Variants in PEX3 observed in about 807,000 individuals in gnomAD.
The protein encoded by PEX3 is peroxisomal biogenesis factor 3.
Under a neutral mutation model 55.8 loss-of-function variants are expected in PEX3, and 30 were observed. The ratio of observed to expected loss-of-function variants is 0.54; its 90% CI spans 0.40 to 0.73. PEX3 has a LOEUF of 0.73. Among genes scored for constraint, PEX3 ranks in the 30% least tolerant of loss-of-function variants. PEX3 has a pLI of 0.00. For missense variants in PEX3, 351 were observed against 432.8 expected (o/e 0.81, Z 1.68); for synonymous variants, 135 against 148.4 (o/e 0.91, Z 0.66).
intron 9 of PEX3, among the ~76,000 whole-genome samples, chr6:143,478,823 A>AT (rs1780188686): frequency 6.6e-6 from 1 of 152,132 alleles, no homozygotes. Flanking sequence ...TAGTACTGAT[A>AT]TTTTTTAAAA....
At position 143,463,420 on chromosome 6, in the gene PEX3, T is replaced by C. The variant is rs1779950799; in HGVS notation, c.287+423T>C. Among the ~76,000 whole-genome samples, 1 of 152,206 alleles carries C rather than the reference T, an allele frequency of 6.6e-6. No homozygotes were observed. The highest frequency in any genetic ancestry group is 1.5e-5 in the Non-Finnish European group (1 of 68,028). ...ATAAATAAGATATACAGGACTTATA[T>C]CTTAAATTACTAACAAAATGAAATA... On this transcript the variant is annotated intron_variant, in intron 3 of 11. Coordinates refer to ENST00000367591, the MANE Select transcript of PEX3 (RefSeq NM_003630.3). This position sits in a 1 kb window ranked among gnomAD's most constrained non-coding sequence, Gnocchi z 5.7.
chr6:143,463,033 T>C lies in PEX3; in HGVS notation c.287+36T>C. ...GTTACAGCATTTTCTGTTTAAGCAC[T>C]ACACTTAAAGTTTATAGAATGAACT... On this transcript the variant is annotated intron_variant, in intron 3 of 11. Transcript: ENST00000367591. This position sits in a 1 kb window ranked among gnomAD's most constrained non-coding sequence, Gnocchi z 5.7. 1 of 1,424,604 alleles carries C rather than the reference T, an allele frequency of 7.0e-7. No individual in the cohort carries two copies. Among genetic ancestry groups the C allele is most frequent in the Non-Finnish European group, 9.9e-7 (1 of 1,007,224 alleles). 88.2% of individuals were successfully genotyped at this position (1,424,604 alleles called of 1,614,324 possible).
Position 143,450,872 on chromosome 6 carries a change from C to A in PEX3, c.-171C>A. 1 of 785,108 alleles carries A rather than the reference C, an allele frequency of 1.3e-6. No individual in the cohort carries two copies. Among genetic ancestry groups the A allele is most frequent in the Non-Finnish European group, 2.3e-6 (1 of 444,142 alleles). 48.6% of individuals were successfully genotyped at this position (785,108 alleles called of 1,614,324 possible). ...AGCTGCTTTGCTGTAGTCCACGCCC[C>A]CTTGCCGCTCCGGTGACAGTCTCTG... On this transcript the variant is annotated 5_prime_UTR_variant, in exon 1 of 12. Coordinates refer to ENST00000367591, the MANE Select transcript of PEX3 (RefSeq NM_003630.3).
In PEX3 at chr6:143,464,471, A is replaced by G. The variant is rs1290167907; in HGVS notation, c.287+1474A>G. ...TATTTAGTGCAATGACAAAAAGTAA[A>G]AGGAAAATTTAGGAGTATCAAAAAA... is the stretch of plus-strand genomic sequence containing the variant. On this transcript the variant is annotated intron_variant, in intron 3 of 11. Coordinates refer to ENST00000367591, the MANE Select transcript of PEX3 (RefSeq NM_003630.3). The surrounding 1 kb of genome is among the most constrained non-coding windows in gnomAD (Gnocchi z 5.8). Among the ~76,000 whole-genome samples, 2 of 152,060 alleles carry G rather than the reference A, an allele frequency of 1.3e-5. No individual in the cohort carries two copies. The highest frequency in any genetic ancestry group is 2.1e-4 in the South Asian group (1 of 4,834).
chr6:143,485,592 C>G lies in PEX3; in HGVS notation c.1038+344C>G, dbSNP rs545040445. Among the ~76,000 whole-genome samples, 7 of 152,106 alleles carry G rather than the reference C, an allele frequency of 4.6e-5. No individual in the cohort carries two copies. The highest frequency in any genetic ancestry group is 1.4e-4 in the African/African-American group (6 of 41,508). On this transcript the variant is annotated intron_variant, in intron 11 of 11. Transcript: ENST00000367591. The surrounding 1 kb of genome is among the most constrained non-coding windows in gnomAD (Gnocchi z 5.6). ...CTTGGGGCAGATCAAGGATCCTGTT[C>G]TACACATTTTGAGGAAAACTAAAAA...
chr6:143,474,869 C>T lies in PEX3; in HGVS notation c.818+13C>T. On this transcript the variant is annotated intron_variant, in intron 9 of 11. Transcript: ENST00000367591. ...ACATGTTGGAAAGGTATGTATACTT[C>T]ATGTAGCAGGAAAAATATGTGTGTA... The T allele has an allele frequency of 7.1e-7, 1 of 1,418,182 alleles. No homozygotes were observed. Among genetic ancestry groups the T allele is most frequent in the Non-Finnish European group, 1.0e-6 (1 of 1,002,240 alleles). 87.8% of individuals were successfully genotyped at this position (1,418,182 alleles called of 1,614,324 possible). A position where few individuals can be genotyped will look rare whatever the true frequency, so the allele number is the denominator to read the frequency against.
At chr6:143,472,462 A>C (rs1584011273) in intron 8 of PEX3, 134 bp downstream of exon 8, 2 of 681,926 alleles carry the variant, frequency 2.9e-6, no homozygotes, top group African/African-American at 1.8e-5. Flanking sequence ...TTGAAGTAAA[A>C]CCCATTAATT....
At position 143,471,540 on chromosome 6, in the gene PEX3, T is replaced by C; in HGVS notation, c.524-17T>C. 6.2e-7 allele frequency: 1 copy of C among 1,606,080 alleles called. No individual in the cohort carries two copies. Among genetic ancestry groups the C allele is most frequent in the Non-Finnish European group, 8.5e-7 (1 of 1,173,192 alleles). On this transcript the variant is annotated splice_polypyrimidine_tract_variant and intron_variant, in intron 6 of 11. Transcript: ENST00000367591. This position sits in a 1 kb window ranked among gnomAD's most constrained non-coding sequence, Gnocchi z 5.4. ...TTAAACTAAGCAAGGCTTTTAGGTT[T>C]GTTTTTTCTTTAATAGGCCTGACAG...
rs965209812 is a variant in PEX3 at position 143,464,440 on chromosome 6, C to T, written c.287+1443C>T. On this transcript the variant is annotated intron_variant, in intron 3 of 11. Transcript: ENST00000367591. The surrounding 1 kb of genome is among the most constrained non-coding windows in gnomAD (Gnocchi z 5.8). ...TAGACTAAATAAATTATCGTAATTC[C>T]GGACATATTTAGTGCAATGACAAAA... Among the ~76,000 whole-genome samples, 3 of 151,500 alleles carry T rather than the reference C, an allele frequency of 2.0e-5. No homozygotes were observed. The highest frequency in any genetic ancestry group is 2.9e-5 in the Non-Finnish European group (2 of 67,812).
At position 143,486,458 on chromosome 6, in the gene PEX3, TAAA is replaced by T. The variant is rs1488730598; in HGVS notation, c.1038+1213_1038+1215del. 6.6e-6 allele frequency among the ~76,000 whole-genome samples: 1 copy of T among 152,066 alleles called. No individual in the cohort carries two copies. The highest frequency in any genetic ancestry group is 2.4e-5 in the African/African-American group (1 of 41,418). ...TAATTAAAATCGATATAATTGATAA[TAAA>T]AACAAATGTTTCAATATGGTAAAAA... On this transcript the variant is annotated intron_variant, in intron 11 of 11. Transcript: ENST00000367591. This position sits in a 1 kb window ranked among gnomAD's most constrained non-coding sequence, Gnocchi z 5.0.
Position 143,471,049 on chromosome 6 carries a change from T to A in PEX3, c.420T>A (p.Ile140=), listed in dbSNP as rs1410335124. Residue 140 remains isoleucine (I), a synonymous_variant, in exon 5 of 12, where the codon ATT becomes ATA. Transcript: ENST00000367591. This position sits in a 1 kb window ranked among gnomAD's most constrained non-coding sequence, Gnocchi z 5.4. The part of the protein sequence containing the change: ...RVQLNIIGGY[I]YLDNAAVGKN... The stretch of plus-strand genomic sequence containing the variant: ...AGTTAAACATAATTGGTGGATATAT[T>A]TACCTGGATAATGCAGCAGTTGGCA... The A allele has an allele frequency of 2.1e-5, 34 of 1,613,354 alleles. No individual in the cohort carries two copies. Among genetic ancestry groups the A allele is most frequent in the Non-Finnish European group, 2.9e-5 (34 of 1,179,420 alleles).
chr6:143,467,275 T>G (rs1368046209), intron 3 of PEX3, among the ~76,000 whole-genome samples: 1 of 152,028 alleles, frequency 6.6e-6, no homozygotes, highest in Non-Finnish European at 1.5e-5. Context: ...TTAAAAACCT[T>G]TTGACTAATT....
intron 9 of PEX3, among the ~76,000 whole-genome samples, chr6:143,478,087 C>CA (rs1554282032): frequency 6.6e-6 from 1 of 151,810 alleles, no homozygotes; most frequent in Non-Finnish European, 1.5e-5. Context: ...CCCTATGTAG[C>CA]AAAAAAGGGG....
intron 2 of PEX3, among the ~76,000 whole-genome samples, chr6:143,461,374 C>A (rs1343782569): frequency 6.6e-6 from 1 of 152,010 alleles, no homozygotes; most frequent in Non-Finnish European, 1.5e-5. Context: ...ATGATGCAAC[C>A]CTAAGATGAA....
At chr6:143,470,850 T>G in intron 4 of PEX3, 111 bp from the exon 5 acceptor site, 1 of 824,332 alleles carries the variant, frequency 1.2e-6, no homozygotes, top group Non-Finnish European at 2.0e-6. Flanking sequence ...TAGAAACAGT[T>G]GTAAATATGT....
In PEX3 at chr6:143,475,321, T is replaced by C. The variant is rs1780137530; in HGVS notation, c.818+465T>C. ...TATTTTTCTCCCACCTCTCAAATCA[T>C]TTCTTAGATTTTTCTATCTCTGTCT... On this transcript the variant is annotated intron_variant, in intron 9 of 11. Transcript: ENST00000367591. The surrounding 1 kb of genome is among the most constrained non-coding windows in gnomAD (Gnocchi z 4.4). 2.0e-5 allele frequency among the ~76,000 whole-genome samples: 3 copies of C among 152,184 alleles called. No individual in the cohort carries two copies. Among genetic ancestry groups the C allele is most frequent in the African/African-American group, 4.8e-5 (2 of 41,442 alleles).
chr6:143,462,863 G>A lies in PEX3; in HGVS notation c.206-53G>A, dbSNP rs193265383. Reference sequence around the variant, plus strand: ...CCTAAAACAATGCGCATTTCTTAGTGAGGGCAGTCATATCACTTGTGACCT... The same window carrying A: ...CCTAAAACAATGCGCATTTCTTAGTAAGGGCAGTCATATCACTTGTGACCT... On this transcript the variant is annotated intron_variant, in intron 2 of 11. Transcript: ENST00000367591. The surrounding 1 kb of genome is among the most constrained non-coding windows in gnomAD (Gnocchi z 4.1). 104 of 1,320,836 alleles carry A rather than the reference G, an allele frequency of 7.9e-5. No individual in the cohort carries two copies. In the East Asian group the frequency reaches 1.6e-3, roughly 20 times the overall value. The allele number at this position is 1,320,836 out of a possible 1,614,324, so 81.8% of individuals were successfully genotyped here. A position where few individuals can be genotyped will look rare whatever the true frequency, so the allele number is the denominator to read the frequency against.
intron 1 of PEX3, among the ~76,000 whole-genome samples, chr6:143,452,536 A>T (rs1779790399): frequency 6.6e-6 from 1 of 152,228 alleles, no homozygotes; most frequent in African/African-American, 2.4e-5. Context: ...ATTAGAAATA[A>T]TCACAGGGGA....
Position 143,472,191 on chromosome 6 carries a change from G to A in PEX3, c.610G>A (p.Asp204Asn). 6.2e-7 allele frequency: 1 copy of A among 1,610,390 alleles called. No homozygotes were observed. The highest frequency in any genetic ancestry group is 8.5e-7 in the Non-Finnish European group (1 of 1,177,034). Residue 204 changes from aspartate to asparagine, a missense_variant, in exon 8 of 12, where the codon GAC (aspartate) becomes AAC (asparagine). Transcript: ENST00000367591. ...VSLKHSLSLL[D>N]LEQKLKEIRN... Reference sequence around the variant, plus strand: ...TCTTAAACATTCTTTGTCCCTTTTGGACTTGGAGCAAAAACTAAAAGAAAT... The same window carrying A: ...TCTTAAACATTCTTTGTCCCTTTTGAACTTGGAGCAAAAACTAAAAGAAAT...
Sources: allele counts gnomAD v4.1 joint callset (sites outside exome capture counted in the v4.1 genomes callset), GRCh38; gene constraint gnomAD v4.1.1; non-coding constraint Gnocchi (gnomAD v3.1); transcripts MANE v1.5; gene names NCBI Gene and HGNC (gene_info 2026-07-23, HGNC 2026-07-21).